Variants in SPTLC3 observed in about 807,000 individuals in gnomAD.
The protein encoded by SPTLC3 is serine palmitoyltransferase 3.
Under a neutral mutation model 59.3 loss-of-function variants are expected in SPTLC3, and 36 were observed. The observed-to-expected ratio is 0.61, with a 90% confidence interval of 0.47 to 0.80. The LOEUF is 0.80. Among genes scored for constraint, SPTLC3 ranks in the 30% least tolerant of loss-of-function variants. The pLI is 0.00. For synonymous variants in SPTLC3, 257 were observed against 240.8 expected (o/e 1.07, Z -0.62); for missense variants, 625 against 685.1 (o/e 0.91, Z 0.98).
chr20:13,105,376 A>G (rs76654823), intron 6 of SPTLC3, among the ~76,000 whole-genome samples: 10,447 of 152,274 alleles, frequency 0.069, 382 homozygotes, highest in South Asian at 0.11. Context: ...TCTCCATTCA[A>G]GTCAAACACA....
At chr20:13,044,906 C>T (rs1258479019) in intron 1 of SPTLC3, among the ~76,000 whole-genome samples, 6 of 152,038 alleles carry the variant, frequency 3.9e-5, no homozygotes, top group African/African-American at 1.4e-4. Context: ...AAGAATCACT[C>T]CTGATCACCC....
At chr20:13,109,417 C>A (rs1990097643) in intron 6 of SPTLC3, among the ~76,000 whole-genome samples, 1 of 152,156 alleles carries the variant, frequency 6.6e-6, no homozygotes, top group Admixed American at 6.5e-5. Flanking sequence ...TTACTCAACT[C>A]CTCTGTGTCT....
intron 1 of SPTLC3, among the ~76,000 whole-genome samples, chr20:13,027,911 GT>G (rs1203218863): frequency 2.0e-5 from 3 of 152,052 alleles, no homozygotes; most frequent in Admixed American, 2.0e-4. Context: ...ACATCTCTAT[GT>G]TTTATATGAT....
chr20:13,026,833 T>C (rs553292671), intron 1 of SPTLC3, among the ~76,000 whole-genome samples: 133 of 152,270 alleles, frequency 8.7e-4, no homozygotes, highest in African/African-American at 3.1e-3. Flanking sequence ...AACTGTTACA[T>C]GTCAGACACT....
chr20:13,158,759 C>CATGACT (rs1281222043), intron 10 of SPTLC3, among the ~76,000 whole-genome samples: 10 of 152,202 alleles, frequency 6.6e-5, no homozygotes, highest in African/African-American at 9.7e-5. Flanking sequence ...CTTGTGGGTC[C>CATGACT]TGCAGTCTCC....
At chr20:13,042,740 C>T (rs6033592) in intron 1 of SPTLC3, among the ~76,000 whole-genome samples, 125,576 of 152,142 alleles carry the variant, frequency 0.83, 53,828 homozygotes, top group Non-Finnish European at 0.93. Context: ...AACTGGGAGA[C>T]AAAGGGAGAG....
intron 1 of SPTLC3, among the ~76,000 whole-genome samples, chr20:13,038,396 A>G (rs1986829740): frequency 6.6e-6 from 1 of 152,038 alleles, no homozygotes; most frequent in Admixed American, 6.6e-5. Flanking sequence ...TCCACTTCTT[A>G]TTGAGTTGGT....
In SPTLC3 at chr20:13,093,586, C is replaced by G. The variant is rs769897924; in HGVS notation, c.826+9C>G. On this transcript the variant is annotated intron_variant, in intron 6 of 11. Transcript: ENST00000399002. ...AATCTTCAAACACAACAGTGAGTATCAGTGTATTTTCTCAACATGTACTGG... is the reference window on the plus strand; with the variant it reads ...AATCTTCAAACACAACAGTGAGTATGAGTGTATTTTCTCAACATGTACTGG... 6.2e-7 allele frequency: 1 copy of G among 1,610,596 alleles called. No individual in the cohort carries two copies. The highest frequency in any genetic ancestry group is 1.3e-5 in the African/African-American group (1 of 74,836).
chr20:13,159,869 T>C, intron 10 of SPTLC3, 134 bp from the exon 11 acceptor site: 2 of 1,228,718 alleles, frequency 1.6e-6, no homozygotes, highest in Non-Finnish European at 2.2e-6. Context: ...ACTTCAATCA[T>C]CTTCCACTTA....
At chr20:13,149,485 A>G (rs2038594931) in intron 9 of SPTLC3, among the ~76,000 whole-genome samples, 1 of 152,230 alleles carries the variant, frequency 6.6e-6, no homozygotes, top group African/African-American at 2.4e-5. Context: ...GCCTTCCAAG[A>G]GTATGAGAAT....
At chr20:13,092,565 A>G (rs1352674560) in intron 5 of SPTLC3, among the ~76,000 whole-genome samples, 1 of 152,212 alleles carries the variant, frequency 6.6e-6, no homozygotes, top group African/African-American at 2.4e-5. Context: ...CTTGGATGTG[A>G]TCACTGAATT....
intron 7 of SPTLC3, among the ~76,000 whole-genome samples, chr20:13,115,716 G>A (rs370879873): frequency 5.2e-4 from 79 of 152,182 alleles, no homozygotes; most frequent in African/African-American, 1.9e-3. Context: ...GTTAGGACTC[G>A]TTGCAACCAT....
At chr20:13,070,875 C>T (rs1273755423) in intron 2 of SPTLC3, among the ~76,000 whole-genome samples, 1 of 152,004 alleles carries the variant, frequency 6.6e-6, no homozygotes, top group Admixed American at 6.6e-5. Context: ...TCAATTCTTC[C>T]CAAATGCACT....
At chr20:13,141,631 G>T (rs1330231078) in intron 9 of SPTLC3, among the ~76,000 whole-genome samples, 2 of 152,214 alleles carry the variant, frequency 1.3e-5, no homozygotes, top group African/African-American at 2.4e-5. Context: ...CCTTGGCATT[G>T]TTGACAGAGG....
At chr20:13,140,484 A>G (rs2038355461) in intron 9 of SPTLC3, among the ~76,000 whole-genome samples, 1 of 152,212 alleles carries the variant, frequency 6.6e-6, no homozygotes, top group Non-Finnish European at 1.5e-5. Context: ...AAATAAAACT[A>G]GAGACTTCCT....
chr20:13,155,036 G>T (rs997601589), intron 10 of SPTLC3, among the ~76,000 whole-genome samples: 2 of 151,858 alleles, frequency 1.3e-5, no homozygotes, highest in African/African-American at 4.8e-5. Context: ...CAAAAATTAG[G>T]TGGGCATGGT....
chr20:13,018,848 T>C (rs553028239), intron 1 of SPTLC3, among the ~76,000 whole-genome samples: 2 of 152,318 alleles, frequency 1.3e-5, no homozygotes, highest in African/African-American at 4.8e-5. Flanking sequence ...TTACTGGAAT[T>C]CTAAGGTATT....
intron 9 of SPTLC3, among the ~76,000 whole-genome samples, chr20:13,129,438 C>G (rs1417097633): frequency 6.6e-6 from 1 of 152,236 alleles, no homozygotes; most frequent in Non-Finnish European, 1.5e-5. Flanking sequence ...TCTTCTTAAA[C>G]TTCAAGTGTT....
At chr20:13,135,886 T>G (rs1322946507) in intron 9 of SPTLC3, among the ~76,000 whole-genome samples, 1 of 152,242 alleles carries the variant, frequency 6.6e-6, no homozygotes, top group African/African-American at 2.4e-5. Context: ...AATCACCAAC[T>G]TTCTGAATCA....
Sources: gnomAD v4.1 joint callset for allele counts (sites outside exome capture counted in the v4.1 genomes callset) on GRCh38, gnomAD v4.1.1 for gene constraint, MANE v1.5 for transcripts, NCBI Gene and HGNC (gene_info 2026-07-23, HGNC 2026-07-21) for gene names.